The following GLI2 variants were observed in gnomAD, a reference collection of about 807,000 sequenced individuals.
GLI2 encodes transcription activator GLI2.
A neutral mutation model predicts 78.9 loss-of-function variants in GLI2; 22 were observed. That is an observed-to-expected ratio of 0.28 (90% CI 0.20 to 0.40). The LOEUF (loss-of-function observed/expected upper bound fraction) is 0.40, where lower values mean the gene tolerates loss of function less well. Among genes scored for constraint, GLI2 ranks in the 10% least tolerant of loss-of-function variants. The probability of loss-of-function intolerance (pLI) is 1.00; values close to 1 mark genes in which losing one functional copy is unlikely to be tolerated. For synonymous variants in GLI2, 974 were observed against 963.7 expected, an observed-to-expected ratio of 1.01 and a Z score of -0.20; for missense variants, 2,097 against 2,213.2, an observed-to-expected ratio of 0.95 and a Z score of 1.05.
rs145669767 is a variant in GLI2 at position 120,947,047 on chromosome 2, A to G, written c.255-4196A>G. The stretch of plus-strand genomic sequence containing the variant: ...CCTACCCAGAGTAGGGTGGGATTGT[A>G]TGTGATGACCTGGTAGGGGTGGGGT... On this transcript the variant is annotated intron_variant, in intron 3 of 13. Coordinates refer to ENST00000361492, the MANE Select transcript of GLI2 (RefSeq NM_001374353.1). Among the ~76,000 whole-genome samples the G allele has an allele frequency of 4.0e-3, 616 of 152,310 alleles. 7 individuals carry two copies. Among genetic ancestry groups the G allele is most frequent in the African/African-American group, 0.014 (585 of 41,582 alleles).
At chr2:120,983,343 C>T (rs930186500) in intron 11 of GLI2, among the ~76,000 whole-genome samples, 1 of 152,166 alleles carries the variant, frequency 6.6e-6, no homozygotes, top group South Asian at 2.1e-4. Flanking sequence ...AAGTGACTTT[C>T]CCCAGTGCCA....
intron 2 of GLI2, among the ~76,000 whole-genome samples, chr2:120,804,333 G>A (rs971821167): frequency 4.6e-5 from 7 of 152,102 alleles, no homozygotes; most frequent in Admixed American, 4.6e-4. Context: ...GGCATTGCTT[G>A]TTCACCACTG....
intron 2 of GLI2, among the ~76,000 whole-genome samples, chr2:120,826,668 G>C (rs954629822): frequency 2.6e-5 from 4 of 152,228 alleles, no homozygotes; most frequent in Non-Finnish European, 5.9e-5. Context: ...GTTTCAGAGA[G>C]CATGTACTCT....
chr2:120,870,148 G>C lies in GLI2; in HGVS notation c.149-57213G>C, dbSNP rs571955294. ...CCTCACCCCCTTGCCCCTTCGTCCA[G>C]ACACCTGGCCTGCCACACCCAGCCC... is the stretch of plus-strand genomic sequence containing the variant. On this transcript the variant is annotated intron_variant, in intron 2 of 13. Transcript: ENST00000361492. 3.9e-5 allele frequency among the ~76,000 whole-genome samples: 6 copies of C among 152,284 alleles called. No homozygotes were observed. The East Asian group carries it at 9.7e-4, about 24-fold the overall frequency.
intron 2 of GLI2, among the ~76,000 whole-genome samples, chr2:120,921,722 T>C (rs1679389913): frequency 6.6e-6 from 1 of 152,082 alleles, no homozygotes; most frequent in Non-Finnish European, 1.5e-5. Flanking sequence ...AAAAGTTGTA[T>C]CAGAGCAGGT....
intron 2 of GLI2, among the ~76,000 whole-genome samples, chr2:120,832,687 T>G (rs1573449611): frequency 6.6e-6 from 1 of 152,148 alleles, no homozygotes; most frequent in East Asian, 1.9e-4. Flanking sequence ...AATCTGTGAC[T>G]TTCTGCTTTG....
chr2:120,826,551 G>A (rs1045285797), intron 2 of GLI2, among the ~76,000 whole-genome samples: 1 of 152,146 alleles, frequency 6.6e-6, no homozygotes, highest in Non-Finnish European at 1.5e-5. Context: ...GGTGGGCAGA[G>A]GTGCTTTGGA....
At chr2:120,904,163 C>T (rs928805512) in intron 2 of GLI2, among the ~76,000 whole-genome samples, 5 of 151,996 alleles carry the variant, frequency 3.3e-5, no homozygotes, top group Non-Finnish European at 7.4e-5. Context: ...GGATGGAGAC[C>T]CCTGAGTTCT....
intron 2 of GLI2, among the ~76,000 whole-genome samples, chr2:120,848,328 G>C (rs1687223964): frequency 6.6e-6 from 1 of 152,164 alleles, no homozygotes; most frequent in African/African-American, 2.4e-5. Flanking sequence ...CCTTGGCGTT[G>C]GGAGCTACGC....
At chr2:120,983,776 A>G (rs1232851573) in intron 11 of GLI2, among the ~76,000 whole-genome samples, 1 of 152,182 alleles carries the variant, frequency 6.6e-6, no homozygotes, top group Admixed American at 6.5e-5. Flanking sequence ...CATATCCTGG[A>G]CCCCAAAGGG....
At chr2:120,934,210 G>A (rs946372475) in intron 3 of GLI2, among the ~76,000 whole-genome samples, 7 of 152,244 alleles carry the variant, frequency 4.6e-5, no homozygotes, top group Admixed American at 2.0e-4. Context: ...GCGCCTCGCC[G>A]CCAAAACACG....
Position 120,988,965 on chromosome 2 carries a change from C to T in GLI2, c.3000C>T (p.Gly1000=). The change falls in exon 14 of 14, where the codon GGC becomes GGT. Residue 1000 remains glycine, a synonymous_variant. Transcript: ENST00000361492. The stretch of plus-strand genomic sequence containing the variant: ...TGCAGAGCCACCCGAGCACCGACGG[C>T]GGCCTGGCCCGCGGCGCCTACTCGC... ...LRLQSHPSTD[G]GLARGAYSPR... The T allele has an allele frequency of 1.3e-6, 2 of 1,548,482 alleles. No homozygotes were observed. The highest frequency in any genetic ancestry group is 1.7e-6 in the Non-Finnish European group (2 of 1,153,066).
chr2:120,912,280 T>TG (rs1357298794), intron 2 of GLI2, among the ~76,000 whole-genome samples: 2 of 151,928 alleles, frequency 1.3e-5, no homozygotes, highest in Non-Finnish European at 2.9e-5. Flanking sequence ...AGAGGTTTTT[T>TG]TTTTTTTTTT....
chr2:120,958,733 C>G (rs768695424), intron 5 of GLI2, among the ~76,000 whole-genome samples: 1 of 152,216 alleles, frequency 6.6e-6, no homozygotes, highest in Non-Finnish European at 1.5e-5. Flanking sequence ...CATTCCTGCA[C>G]AGAGTCCTGT....
At chr2:120,935,359 G>T (rs1346623266) in intron 3 of GLI2, among the ~76,000 whole-genome samples, 3 of 152,212 alleles carry the variant, frequency 2.0e-5, no homozygotes, top group South Asian at 4.1e-4. Context: ...GAAACCCTGG[G>T]TCCAGGCGAT....
intron 2 of GLI2, among the ~76,000 whole-genome samples, chr2:120,836,337 A>G (rs970742792): frequency 6.6e-6 from 1 of 152,134 alleles, no homozygotes; most frequent in Non-Finnish European, 1.5e-5. Flanking sequence ...GTGTGTGTAT[A>G]TGTGTATATT....
chr2:120,801,811 G>C (rs911114905), intron 2 of GLI2, among the ~76,000 whole-genome samples: 4 of 152,216 alleles, frequency 2.6e-5, no homozygotes, highest in African/African-American at 7.2e-5. Flanking sequence ...AGATGAGACT[G>C]AGGCCCATTT....
At chr2:120,987,263 T>C (rs1347309908) in intron 13 of GLI2, among the ~76,000 whole-genome samples, 1 of 152,222 alleles carries the variant, frequency 6.6e-6, no homozygotes, top group African/African-American at 2.4e-5. Context: ...TGGTCAACAC[T>C]GATGTACCAC....
chr2:120,899,066 C>G (rs530589653), intron 2 of GLI2, among the ~76,000 whole-genome samples: 7 of 152,194 alleles, frequency 4.6e-5, no homozygotes, highest in Non-Finnish European at 1.0e-4. Flanking sequence ...ACGCCTCTCT[C>G]CAAACACTGG....
Sources: gnomAD v4.1 joint callset for allele counts (sites outside exome capture counted in the v4.1 genomes callset) on GRCh38, gnomAD v4.1.1 for gene constraint, MANE v1.5 for transcripts, NCBI Gene and HGNC (gene_info 2026-07-23, HGNC 2026-07-21) for gene names.